The following DLG1 variants were observed in gnomAD, a reference collection of about 807,000 sequenced individuals.
The protein encoded by DLG1 is disks large homolog 1.
DLG1 carries 42 observed loss-of-function variants against 123.4 expected under a neutral mutation model. That is an observed-to-expected ratio of 0.34 (90% CI 0.27 to 0.44). The LOEUF (loss-of-function observed/expected upper bound fraction) is 0.44, where lower values mean the gene tolerates loss of function less well. DLG1 is among the 20% of genes least tolerant of loss of function. The probability of loss-of-function intolerance (pLI) is 1.00; values close to 1 mark genes in which losing one functional copy is unlikely to be tolerated. For missense variants in DLG1, 942 were observed against 1,082.6 expected (o/e 0.87, Z 1.82); for synonymous variants, 317 against 356.2 (o/e 0.89, Z 1.24).
chr3:197,112,819 C>T (rs974195494), intron 13 of DLG1, among the ~76,000 whole-genome samples: 11 of 152,056 alleles, frequency 7.2e-5, no homozygotes, highest in African/African-American at 1.7e-4. Flanking sequence ...TGGTCTCAAA[C>T]GCCTGGCCTC....
chr3:197,133,807 A>G (rs1255026999), intron 10 of DLG1, among the ~76,000 whole-genome samples: 1 of 152,210 alleles, frequency 6.6e-6, no homozygotes, highest in Non-Finnish European at 1.5e-5. Context: ...TACCAAGATA[A>G]AGGGTGACTA....
intron 4 of DLG1, among the ~76,000 whole-genome samples, chr3:197,281,128 C>A (rs1332332909): frequency 6.6e-6 from 1 of 151,806 alleles, no homozygotes; most frequent in African/African-American, 2.4e-5. Flanking sequence ...ACCTCCGCCT[C>A]CCAGGTTCAA....
At chr3:197,269,449 T>C (rs549037272) in intron 4 of DLG1, among the ~76,000 whole-genome samples, 1 of 152,330 alleles carries the variant, frequency 6.6e-6, no homozygotes, top group Admixed American at 6.5e-5. Flanking sequence ...TACATTTCTA[T>C]CTCTATTAAA....
rs937677798 is a variant in DLG1, at chr3:197,119,881, G to C, written c.1166-351C>G. On this transcript the variant is annotated intron_variant, in intron 11 of 24. Transcript: ENST00000667157. ...AAGACTATGTCCTTATACTAGCTCA[G>C]ATCTGTCAACCTAATTTACATCTAT... Among the ~76,000 whole-genome samples, 9 of 151,848 alleles carry C rather than the reference G, an allele frequency of 5.9e-5. 1 individual carries two copies. Among genetic ancestry groups the C allele is most frequent in the African/African-American group, 2.2e-4 (9 of 41,274 alleles).
intron 5 of DLG1, among the ~76,000 whole-genome samples, chr3:197,163,282 T>C (rs1799576954): frequency 1.3e-5 from 2 of 152,162 alleles, no homozygotes; most frequent in South Asian, 4.1e-4. Context: ...GTACAGCTTC[T>C]GAGGAAACTT....
intron 4 of DLG1, among the ~76,000 whole-genome samples, chr3:197,246,450 C>A (rs1396955846): frequency 1.3e-5 from 2 of 152,116 alleles, no homozygotes; most frequent in Non-Finnish European, 2.9e-5. Flanking sequence ...AGTTGGTGGG[C>A]CATCTTCCTA....
intron 4 of DLG1, among the ~76,000 whole-genome samples, chr3:197,228,624 T>C (rs1486128314): frequency 6.6e-6 from 1 of 152,174 alleles, no homozygotes; most frequent in African/African-American, 2.4e-5. Flanking sequence ...TGCATTTGAT[T>C]TTGGGACCTA....
rs188118208 is a variant in DLG1 at position 197,208,555 on chromosome 3, T to C, written c.319-13966A>G. Among the ~76,000 whole-genome samples the C allele has an allele frequency of 4.7e-4, 69 of 146,254 alleles. 5 individuals carry two copies. The highest frequency in any genetic ancestry group is 1.7e-3 in the African/African-American group (68 of 41,186). On this transcript the variant is annotated intron_variant, in intron 4 of 24. Coordinates refer to ENST00000667157, the MANE Select transcript of DLG1 (RefSeq NM_001366207.1). ...GTCAAATAAATCATTCTTATTCAAA[T>C]AAGAGAATATCACAAGTCATAAAAT...
chr3:197,282,495 AC>A (rs1769875796), intron 4 of DLG1, 183 bp downstream of exon 4: 1 of 391,688 alleles, frequency 2.6e-6, no homozygotes. Context: ...AACAGGGGCA[AC>A]AGAGAATCTG....
intron 16 of DLG1, among the ~76,000 whole-genome samples, chr3:197,084,809 C>G (rs1203943875): frequency 6.6e-6 from 1 of 150,800 alleles, no homozygotes. Flanking sequence ...GATATTTAGA[C>G]AGAGTTTTGC....
chr3:197,143,056 C>T (rs569664197), intron 6 of DLG1, among the ~76,000 whole-genome samples: 114 of 152,290 alleles, frequency 7.5e-4, no homozygotes, highest in African/African-American at 2.7e-3. Context: ...ATCCACACAT[C>T]TAATCAGTTA....
intron 9 of DLG1, among the ~76,000 whole-genome samples, chr3:197,137,863 T>C (rs1785856335): frequency 6.6e-6 from 1 of 151,566 alleles, no homozygotes; most frequent in African/African-American, 2.4e-5. Flanking sequence ...TCCAAGCTAC[T>C]TGGGAGGGTG....
intron 5 of DLG1, among the ~76,000 whole-genome samples, chr3:197,167,857 T>C (rs1802191119): frequency 1.3e-5 from 2 of 152,206 alleles, no homozygotes; most frequent in African/African-American, 2.4e-5. Flanking sequence ...TTTGTTTTGG[T>C]TTGGTTCTTT....
rs1721051105 is a variant in DLG1, at chr3:197,042,950, A to G, written c.*1673T>C. The stretch of plus-strand genomic sequence containing the variant: ...TATGGATTTTACAATACAGTTTATT[A>G]GCTGTTCTCCTCTTCTTCATAAATG... On this transcript the variant is annotated 3_prime_UTR_variant, in exon 25 of 25. Coordinates refer to ENST00000667157, the MANE Select transcript of DLG1 (RefSeq NM_001366207.1). 6.6e-6 allele frequency: 1 copy of G among 152,266 alleles called. No individual in the cohort carries two copies. Among genetic ancestry groups the G allele is most frequent in the Non-Finnish European group, 1.5e-5 (1 of 68,050 alleles). The allele number at this position is 152,266 out of a possible 1,614,324, so 9.4% of individuals were successfully genotyped here.
chr3:197,053,104 G>C (rs778108104), intron 23 of DLG1, among the ~76,000 whole-genome samples: 2 of 152,238 alleles, frequency 1.3e-5, no homozygotes, highest in African/African-American at 4.8e-5. Context: ...GTGGGTGTGA[G>C]TGGAGAGAAA....
chr3:197,251,701 A>G (rs1754523268), intron 4 of DLG1, among the ~76,000 whole-genome samples: 1 of 152,246 alleles, frequency 6.6e-6, no homozygotes. Flanking sequence ...TGCACAGCAA[A>G]AAAACACAAT....
At chr3:197,140,474 A>T (rs1289701191) in intron 7 of DLG1, among the ~76,000 whole-genome samples, 1 of 152,236 alleles carries the variant, frequency 6.6e-6, no homozygotes, top group Non-Finnish European at 1.5e-5. Context: ...GAGGTTCAAG[A>T]AAATACACCA....
At chr3:197,090,193 A>G (rs149645687) in intron 15 of DLG1, among the ~76,000 whole-genome samples, 429 of 152,254 alleles carry the variant, frequency 2.8e-3, no homozygotes, top group African/African-American at 9.8e-3. Context: ...GATTACTTAC[A>G]GTGCTAATGT....
chr3:197,245,151 G>A (rs1751000864), intron 4 of DLG1, among the ~76,000 whole-genome samples: 1 of 152,088 alleles, frequency 6.6e-6, no homozygotes, highest in Non-Finnish European at 1.5e-5. Context: ...GATGAAGGTG[G>A]GTGCCAGGGG....
Sources: allele counts gnomAD v4.1 joint callset (sites outside exome capture counted in the v4.1 genomes callset), GRCh38; gene constraint gnomAD v4.1.1; transcripts MANE v1.5; gene names NCBI Gene and HGNC (gene_info 2026-07-23, HGNC 2026-07-21).